The following SLC25A21 variants were observed in gnomAD, a reference collection of about 807,000 sequenced individuals.
SLC25A21 encodes solute carrier family 25 member 21.
In SLC25A21, 47 loss-of-function variants were observed where a neutral mutation model predicts 43.8. That is an observed-to-expected ratio of 1.07 (90% CI 0.85 to 1.37). The LOEUF (loss-of-function observed/expected upper bound fraction) is 1.37. SLC25A21 is among the 40% of genes most tolerant of loss of function. The pLI, the probability that SLC25A21 is intolerant of heterozygous loss-of-function variation, is 0.00. For synonymous variants in SLC25A21, 131 were observed against 121.3 expected, an observed-to-expected ratio of 1.08 and a Z score of -0.52; for missense variants, 352 against 350.2, an observed-to-expected ratio of 1.00 and a Z score of -0.04.
chr14:36,701,742 T>G (rs1489996608), intron 7 of SLC25A21, among the ~76,000 whole-genome samples: 1 of 152,200 alleles, frequency 6.6e-6, no homozygotes, highest in African/African-American at 2.4e-5. Context: ...AATTATGTAT[T>G]GAGTATTATA....
At chr14:36,725,797 C>T (rs575023538) in intron 5 of SLC25A21, 120 bp from the exon 6 acceptor site, 14 of 455,644 alleles carry the variant, frequency 3.1e-5, no homozygotes, top group East Asian at 1.2e-4. Flanking sequence ...CCTACATAAA[C>T]GCACCATATT....
chr14:36,682,850 G>C (rs887625698), intron 9 of SLC25A21, among the ~76,000 whole-genome samples: 1 of 152,174 alleles, frequency 6.6e-6, no homozygotes, highest in Non-Finnish European at 1.5e-5. Context: ...CTAAATATAT[G>C]AAAGTGTGAG....
At chr14:36,859,550 GA>G (rs1352899158) in intron 2 of SLC25A21, among the ~76,000 whole-genome samples, 1 of 152,166 alleles carries the variant, frequency 6.6e-6, no homozygotes, top group African/African-American at 2.4e-5. Context: ...GCTTGAACCT[GA>G]GCTGACAATG....
chr14:36,909,617 C>T (rs1454867570), intron 1 of SLC25A21, among the ~76,000 whole-genome samples: 2 of 152,096 alleles, frequency 1.3e-5, no homozygotes, highest in African/African-American at 4.8e-5. Context: ...GGTTTTTCTT[C>T]TCATTCAGGA....
rs576111826 is a variant in SLC25A21, at chr14:36,946,388, T to C, written c.71-71384A>G. Among the ~76,000 whole-genome samples, 48 of 152,258 alleles carry C rather than the reference T, an allele frequency of 3.2e-4. 1 individual carries two copies. The highest frequency in any genetic ancestry group is 2.8e-3 in the Admixed American group (43 of 15,270). On this transcript the variant is annotated intron_variant, in intron 1 of 9. Transcript: ENST00000331299. ...AGAAAGAAAGTGAGGGTAGTTAGTT[T>C]AAATGTAATTAATTAAGTTTACCAT...
chr14:36,770,539 A>G (rs1886582150), intron 3 of SLC25A21, among the ~76,000 whole-genome samples: 1 of 152,172 alleles, frequency 6.6e-6, no homozygotes, highest in Non-Finnish European at 1.5e-5. Context: ...GAAATTATAA[A>G]AGAAAAATAA....
At chr14:37,104,624 G>T (rs1365478088) in intron 1 of SLC25A21, among the ~76,000 whole-genome samples, 2 of 152,198 alleles carry the variant, frequency 1.3e-5, no homozygotes, top group East Asian at 1.9e-4. Context: ...CTGTGATAAG[G>T]GCTTTACATG....
chr14:36,816,933 A>T (rs916375293), intron 2 of SLC25A21, among the ~76,000 whole-genome samples: 1 of 140,310 alleles, frequency 7.1e-6, no homozygotes, highest in Non-Finnish European at 1.6e-5. Flanking sequence ...ATCCTTTCTT[A>T]CATCTAGTGG....
intron 3 of SLC25A21, among the ~76,000 whole-genome samples, chr14:36,775,625 G>A (rs559350679): frequency 6.6e-6 from 1 of 152,132 alleles, no homozygotes; most frequent in Non-Finnish European, 1.5e-5. Flanking sequence ...ATCTCCCATT[G>A]AAAGGATAAG....
chr14:36,989,841 T>A (rs1175743400), intron 1 of SLC25A21, among the ~76,000 whole-genome samples: 2 of 151,972 alleles, frequency 1.3e-5, no homozygotes, highest in Non-Finnish European at 2.9e-5. Context: ...TGTAATTGAC[T>A]CTCTACTGGG....
At chr14:36,888,391 G>A (rs192257636) in intron 1 of SLC25A21, among the ~76,000 whole-genome samples, 326 of 151,970 alleles carry the variant, frequency 2.1e-3, no homozygotes, top group African/African-American at 4.0e-3. Flanking sequence ...AAAACCAACC[G>A]ACTTGCCAAC....
chr14:36,764,988 T>A (rs188219504), intron 3 of SLC25A21, among the ~76,000 whole-genome samples: 1 of 152,188 alleles, frequency 6.6e-6, no homozygotes, highest in Non-Finnish European at 1.5e-5. Flanking sequence ...CCAAAACTAG[T>A]TGAGAGGCCA....
intron 1 of SLC25A21, among the ~76,000 whole-genome samples, chr14:36,887,291 C>A: frequency 6.6e-6 from 1 of 151,758 alleles, no homozygotes; most frequent in African/African-American, 2.4e-5. Context: ...AGGCCAGGCG[C>A]GGTGGCTCAC....
At chr14:37,040,413 A>AAGAC (rs1961442716) in intron 1 of SLC25A21, among the ~76,000 whole-genome samples, 1 of 98,370 alleles carries the variant, frequency 1.0e-5, no homozygotes, top group Non-Finnish European at 1.8e-5. Flanking sequence ...GAAAGAAAGA[A>AAGAC]AGAAAGAAAG....
At chr14:37,087,916 A>C (rs2138846739) in intron 1 of SLC25A21, among the ~76,000 whole-genome samples, 1 of 152,334 alleles carries the variant, frequency 6.6e-6, no homozygotes, top group African/African-American at 2.4e-5. Context: ...GGGTACATCA[A>C]GCCTAACAAG....
intron 1 of SLC25A21, among the ~76,000 whole-genome samples, chr14:36,916,524 T>C (rs566592232): frequency 6.6e-6 from 1 of 152,240 alleles, no homozygotes; most frequent in South Asian, 2.1e-4. Flanking sequence ...CTGTAGATAA[T>C]GCAAATATGC....
intron 1 of SLC25A21, among the ~76,000 whole-genome samples, chr14:37,036,999 A>C (rs1961340859): frequency 6.6e-6 from 1 of 152,176 alleles, no homozygotes. Flanking sequence ...AGATTTAGGA[A>C]ATATTTTCTC....
At chr14:36,698,451 T>C (rs1295756857) in intron 7 of SLC25A21, among the ~76,000 whole-genome samples, 1 of 152,226 alleles carries the variant, frequency 6.6e-6, no homozygotes, top group Non-Finnish European at 1.5e-5. Flanking sequence ...TGAATTTGAA[T>C]GTTGGCCTGC....
chr14:36,767,186 A>C (rs1886447304), intron 3 of SLC25A21, among the ~76,000 whole-genome samples: 1 of 152,220 alleles, frequency 6.6e-6, no homozygotes, highest in Admixed American at 6.5e-5. Flanking sequence ...CGAAATTTTT[A>C]AAGCTATCTG....
Sources: allele counts gnomAD v4.1 joint callset (sites outside exome capture counted in the v4.1 genomes callset), GRCh38; gene constraint gnomAD v4.1.1; transcripts MANE v1.5; gene names NCBI Gene and HGNC (gene_info 2026-07-23, HGNC 2026-07-21).